Variants in DLG2 observed in about 807,000 individuals in gnomAD.
The protein encoded by DLG2 is disks large homolog 2.
In DLG2, 45 loss-of-function variants were observed where a neutral mutation model predicts 132.5. The ratio of observed to expected loss-of-function variants is 0.34; its 90% CI spans 0.27 to 0.44. The LOEUF is 0.44. Among genes scored for constraint, DLG2 ranks in the 20% least tolerant of loss-of-function variants. The pLI is 1.00. For missense variants in DLG2, 1,045 were observed against 1,196.9 expected (o/e 0.87, Z 1.87); for synonymous variants, 424 against 419.6 (o/e 1.01, Z -0.13).
chr11:84,302,565 G>C (rs1418310180), intron 7 of DLG2, among the ~76,000 whole-genome samples: 1 of 152,076 alleles, frequency 6.6e-6, no homozygotes, highest in Non-Finnish European at 1.5e-5. Flanking sequence ...TACATATACA[G>C]AGACAGATAA....
At chr11:84,821,263 T>C (rs898468396) in intron 6 of DLG2, among the ~76,000 whole-genome samples, 2 of 151,728 alleles carry the variant, frequency 1.3e-5, no homozygotes, top group Non-Finnish European at 2.9e-5. Flanking sequence ...TTATGATTCA[T>C]GAATATAAAG....
In DLG2 at chr11:83,541,777, G is replaced by C. The variant is rs563165386; in HGVS notation, c.2022C>G (p.His674Gln). ...ACTCATCATCAGAGGCATTGATAAC[G>C]TGGAGAATATCTCCATATTTAAAAC... The part of the protein sequence containing the change: ...GLSFKYGDIL[H>Q]VINASDDEWW... Residue 674 changes from histidine to glutamine, a missense_variant, in exon 20 of 28, where the codon CAC (histidine) becomes CAG (glutamine). By Grantham distance (24) the His-to-Gln change is conservative (BLOSUM62 0). Around this residue, in one of 4 missense-constraint regions of DLG2, gnomAD observed 398 missense variants for 543.6 expected, o/e 0.73. Coordinates refer to ENST00000376104, the MANE Select transcript of DLG2 (RefSeq NM_001142699.3). 1 of 1,613,236 alleles carries C rather than the reference G, an allele frequency of 6.2e-7. No individual in the cohort carries two copies. The highest frequency in any genetic ancestry group is 8.5e-7 in the Non-Finnish European group (1 of 1,179,586).
At chr11:84,835,700 T>C (rs1188142709) in intron 6 of DLG2, among the ~76,000 whole-genome samples, 1 of 151,744 alleles carries the variant, frequency 6.6e-6, no homozygotes, top group African/African-American at 2.4e-5. Context: ...TTTTTACGAA[T>C]GAAAACTTTT....
intron 11 of DLG2, among the ~76,000 whole-genome samples, chr11:84,043,264 CATAAAT>C (rs201736324): frequency 0.021 from 3,179 of 151,454 alleles, 40 homozygotes; most frequent in Non-Finnish European, 0.033. Flanking sequence ...GGTTTATCAT[CATAAAT>C]ATATTTTTTC....
intron 5 of DLG2, among the ~76,000 whole-genome samples, chr11:85,117,623 A>T: frequency 6.6e-6 from 1 of 151,730 alleles, no homozygotes; most frequent in East Asian, 1.9e-4. Flanking sequence ...AAAAAAAAAA[A>T]AAGTAATCGT....
chr11:84,532,039 G>C (rs1008857520), intron 7 of DLG2, among the ~76,000 whole-genome samples: 2 of 148,898 alleles, frequency 1.3e-5, no homozygotes, highest in East Asian at 4.0e-4. Flanking sequence ...CAGATGTTCA[G>C]ATAATTATAT....
chr11:85,343,617 T>TTC (rs142981771), intron 3 of DLG2, among the ~76,000 whole-genome samples: 10 of 151,394 alleles, frequency 6.6e-5, no homozygotes, highest in Admixed American at 2.0e-4. Context: ...TGTGCACACG[T>TTC]TCTCTCTCTC....
intron 4 of DLG2, among the ~76,000 whole-genome samples, chr11:85,223,549 G>T (rs1216512559): frequency 6.6e-6 from 1 of 152,068 alleles, no homozygotes; most frequent in Non-Finnish European, 1.5e-5. Flanking sequence ...CTACCTGGGA[G>T]GATCACTTAA....
chr11:84,076,447 C>T (rs2154150280), intron 10 of DLG2, among the ~76,000 whole-genome samples: 1 of 152,214 alleles, frequency 6.6e-6, no homozygotes, highest in African/African-American at 2.4e-5. Context: ...AAGACCTACG[C>T]CACGCGATTA....
intron 21 of DLG2, among the ~76,000 whole-genome samples, chr11:83,493,837 A>G (rs921127852): frequency 6.6e-5 from 10 of 152,188 alleles, no homozygotes; most frequent in Non-Finnish European, 1.0e-4. Context: ...TTGACCAATT[A>G]TTCATCATGT....
intron 4 of DLG2, among the ~76,000 whole-genome samples, chr11:85,278,736 T>C (rs901415752): frequency 1.1e-4 from 17 of 152,174 alleles, no homozygotes; most frequent in Non-Finnish European, 2.1e-4. Context: ...ACAAAGCCCA[T>C]TTCTAAACCC....
At chr11:84,456,060 G>A (rs2099064531) in intron 7 of DLG2, among the ~76,000 whole-genome samples, 1 of 151,186 alleles carries the variant, frequency 6.6e-6, no homozygotes, top group Non-Finnish European at 1.5e-5. Flanking sequence ...TGAGCAGGAG[G>A]GCCTTCATGT....
chr11:84,834,732 G>C (rs1474080671), intron 6 of DLG2, among the ~76,000 whole-genome samples: 1 of 150,064 alleles, frequency 6.7e-6, no homozygotes, highest in Non-Finnish European at 1.5e-5. Context: ...GCTGCTGTAA[G>C]ATACACTGTA....
intron 7 of DLG2, among the ~76,000 whole-genome samples, chr11:84,505,177 T>C (rs2099235397): frequency 6.6e-6 from 1 of 152,154 alleles, no homozygotes; most frequent in East Asian, 1.9e-4. Context: ...AATCAGTAGT[T>C]CTGTAGCAAT....
intron 8 of DLG2, among the ~76,000 whole-genome samples, chr11:84,206,006 C>T (rs777954585): frequency 3.5e-4 from 53 of 152,004 alleles, no homozygotes; most frequent in Non-Finnish European, 5.2e-4. Flanking sequence ...AACATCATTA[C>T]GAGTCTTAAA....
intron 6 of DLG2, among the ~76,000 whole-genome samples, chr11:84,916,206 G>A (rs955126969): frequency 7.9e-5 from 12 of 150,994 alleles, no homozygotes; most frequent in African/African-American, 4.9e-5. Flanking sequence ...AAAATTAGCC[G>A]GGCGTAGTGG....
intron 4 of DLG2, among the ~76,000 whole-genome samples, chr11:85,200,656 C>A (rs143714149): frequency 6.6e-6 from 1 of 152,070 alleles, no homozygotes; most frequent in Non-Finnish European, 1.5e-5. Context: ...TGGAGGTGGT[C>A]CAGTCTCAGC....
At chr11:84,830,961 C>CCA (rs1555246505) in intron 6 of DLG2, among the ~76,000 whole-genome samples, 4 of 108,268 alleles carry the variant, frequency 3.7e-5, no homozygotes, top group Admixed American at 1.2e-4. Context: ...TCCCCCCACC[C>CCA]CCCCCAGCTC....
chr11:84,712,445 T>C (rs1481496883), intron 6 of DLG2, among the ~76,000 whole-genome samples: 1 of 152,074 alleles, frequency 6.6e-6, no homozygotes, highest in African/African-American at 2.4e-5. Flanking sequence ...TTTCTCTTTC[T>C]GGGTCAGGTA....
Sources: allele counts gnomAD v4.1 joint callset (sites outside exome capture counted in the v4.1 genomes callset), GRCh38; gene constraint gnomAD v4.1.1; regional missense constraint gnomAD v4.1.1; transcripts MANE v1.5; gene names NCBI Gene and HGNC (gene_info 2026-07-23, HGNC 2026-07-21).